The following MED13 variants were observed in gnomAD, a reference collection of about 807,000 sequenced individuals.
The protein encoded by MED13 is mediator complex subunit 13, also known as mediator of RNA polymerase II transcription subunit 13.
In MED13, 23 loss-of-function variants were observed where a neutral mutation model predicts 225.2. That is an observed-to-expected ratio of 0.10 (90% CI 0.07 to 0.14). MED13 has a LOEUF of 0.14. Among genes scored for constraint, MED13 ranks in the 10% least tolerant of loss-of-function variants. The pLI, the probability that MED13 is intolerant of heterozygous loss-of-function variation, is 1.00. For missense variants in MED13, 2,197 were observed against 2,594.5 expected (o/e 0.85, Z 3.33); for synonymous variants, 942 against 889.2 (o/e 1.06, Z -1.06).
chr17:61,961,928 A>C, intron 21 of MED13, 149 bp from the exon 22 acceptor site: 1 of 781,130 alleles, frequency 1.3e-6, no homozygotes, highest in Non-Finnish European at 2.0e-6. Flanking sequence ...CTTATCTATT[A>C]TGTAGGCTTT....
chr17:62,044,694 C>T, intron 3 of MED13, among the ~76,000 whole-genome samples: 1 of 152,140 alleles, frequency 6.6e-6, no homozygotes, highest in Non-Finnish European at 1.5e-5. Context: ...TGGAGTTTCA[C>T]TCTTGTCACC....
chr17:62,056,119 G>T (rs2080994665), intron 2 of MED13, among the ~76,000 whole-genome samples: 1 of 152,186 alleles, frequency 6.6e-6, no homozygotes. Flanking sequence ...AAAAACGAGA[G>T]TAAGTCCTAA....
At chr17:61,968,421 G>A (rs555858366) in intron 17 of MED13, among the ~76,000 whole-genome samples, 163 bp from the exon 18 acceptor site, 32 of 152,266 alleles carry the variant, frequency 2.1e-4, no homozygotes, top group Middle Eastern at 3.4e-3. Context: ...CGCCTCCCGC[G>A]TTCACGCCAT....
intron 8 of MED13, among the ~76,000 whole-genome samples, chr17:62,017,188 C>A (rs2080590490): frequency 3.1e-5 from 4 of 130,234 alleles, no homozygotes; most frequent in East Asian, 2.4e-4. Flanking sequence ...TTTGAAGTTT[C>A]TAATAACAAA....
At chr17:62,029,375 C>T in intron 8 of MED13, 166 bp downstream of exon 8, 1 of 589,546 alleles carries the variant, frequency 1.7e-6, no homozygotes, top group Non-Finnish European at 3.0e-6. Context: ...TTTACATGTA[C>T]TTCTATAATC....
At chr17:61,993,181 GTTCTTTCT>G (rs1178646454) in intron 10 of MED13, among the ~76,000 whole-genome samples, 27 of 138,576 alleles carry the variant, frequency 1.9e-4, no homozygotes, top group Admixed American at 3.6e-4. Flanking sequence ...CAAAGTCCAT[GTTCTTTCT>G]TTCTTTCTTT....
chr17:62,016,936 G>A lies in MED13; in HGVS notation c.1284-5703C>T, dbSNP rs1169566915. On this transcript the variant is annotated intron_variant, in intron 8 of 29. Coordinates refer to ENST00000397786, the MANE Select transcript of MED13 (RefSeq NM_005121.3). ...GAGGCAGGAGAATCACTTGAACCCA[G>A]GAGGTGGAGGTTGCAAGTGAGCCAA... Among the ~76,000 whole-genome samples the A allele has an allele frequency of 4.6e-5, 7 of 152,056 alleles. No homozygotes were observed. In the East Asian group the frequency reaches 1.4e-3, roughly 29 times the overall value.
chr17:62,025,542 T>C (rs2080693039), intron 8 of MED13, among the ~76,000 whole-genome samples: 1 of 152,106 alleles, frequency 6.6e-6, no homozygotes, highest in Non-Finnish European at 1.5e-5. Context: ...TGGTGGCGCG[T>C]GCCTATAGTC....
At chr17:62,018,208 A>G (rs1323738879) in intron 8 of MED13, among the ~76,000 whole-genome samples, 2 of 152,244 alleles carry the variant, frequency 1.3e-5, no homozygotes, top group Non-Finnish European at 2.9e-5. Context: ...TGGCAATATT[A>G]ATGAATGAAA....
intron 2 of MED13, among the ~76,000 whole-genome samples, chr17:62,060,620 G>A (rs117344372): frequency 0.14 from 20,848 of 146,052 alleles, 2,062 homozygotes; most frequent in East Asian, 0.49. Context: ...ACTCCAGCCC[G>A]CGGGACAGAA....
chr17:62,043,112 C>T (rs1396202480), intron 3 of MED13, among the ~76,000 whole-genome samples: 1 of 118,108 alleles, frequency 8.5e-6, no homozygotes, highest in African/African-American at 3.3e-5. Context: ...GTCAAGATTA[C>T]ACCACTGTAC....
At chr17:62,060,622 G>T (rs1262634381) in intron 2 of MED13, among the ~76,000 whole-genome samples, 2 of 148,148 alleles carry the variant, frequency 1.3e-5, no homozygotes, top group Middle Eastern at 6.9e-3. Context: ...TCCAGCCCGC[G>T]GGACAGAATG....
intron 2 of MED13, among the ~76,000 whole-genome samples, chr17:62,056,867 T>C (rs2081000044): frequency 6.6e-6 from 1 of 152,252 alleles, no homozygotes; most frequent in Admixed American, 6.5e-5. Flanking sequence ...ATTACAGTTC[T>C]TAATCATCAG....
At chr17:61,961,899 A>T (rs72843770) in intron 21 of MED13, 120 bp from the exon 22 acceptor site, 105,989 of 940,312 alleles carry the variant, frequency 0.11, 8,070 homozygotes, top group South Asian at 0.3. Context: ...AATTTAAATG[A>T]AAATTTAACG....
chr17:61,970,137 A>C (rs1004635560), intron 17 of MED13, among the ~76,000 whole-genome samples: 1 of 152,234 alleles, frequency 6.6e-6, no homozygotes, highest in Admixed American at 6.5e-5. Flanking sequence ...CACAAAAAAC[A>C]TAAGGCAGAA....
chr17:62,064,801 C>T (rs537407445), intron 1 of MED13, among the ~76,000 whole-genome samples: 11 of 152,194 alleles, frequency 7.2e-5, no homozygotes, highest in African/African-American at 2.4e-4. Flanking sequence ...AGCAGGGATA[C>T]AGGGCCAATA....
chr17:62,041,952 A>G (rs747694833), intron 3 of MED13, among the ~76,000 whole-genome samples: 78 of 152,320 alleles, frequency 5.1e-4, no homozygotes, highest in Admixed American at 1.2e-3. Context: ...CTTGTCTTAC[A>G]TTAGGATCTT....
chr17:62,035,726 T>C (rs1190587813), intron 3 of MED13, 118 bp from the exon 4 acceptor site: 1 of 923,472 alleles, frequency 1.1e-6, no homozygotes, highest in African/African-American at 1.7e-5. Flanking sequence ...AAAATTCTAC[T>C]TCATCAGAAG....
chr17:61,988,310 G>A (rs1044087459), intron 11 of MED13, among the ~76,000 whole-genome samples: 4 of 151,896 alleles, frequency 2.6e-5, no homozygotes, highest in African/African-American at 7.3e-5. Flanking sequence ...CTACCCTCTC[G>A]CCCTGTTTTA....
Sources: gnomAD v4.1 joint callset for allele counts (sites outside exome capture counted in the v4.1 genomes callset) on GRCh38, gnomAD v4.1.1 for gene constraint, MANE v1.5 for transcripts, NCBI Gene and HGNC (gene_info 2026-07-23, HGNC 2026-07-21) for gene names.